Variants in PTAFR observed in about 807,000 individuals in gnomAD.
PTAFR encodes the protein platelet activating factor receptor.
In PTAFR, 8 loss-of-function variants were observed where a neutral mutation model predicts 14.7. The observed-to-expected ratio is 0.54, with a 90% CI of 0.32 to 0.98. The LOEUF is 0.98. Ranked by LOEUF, PTAFR falls within the 50% of genes least tolerant of loss-of-function variation. PTAFR has a pLI of 0.04. For synonymous variants in PTAFR, 156 were observed against 176.5 expected (o/e 0.88, Z 0.92); for missense variants, 337 against 451.2 (o/e 0.75, Z 2.29).
intron 1 of PTAFR, among the ~76,000 whole-genome samples, chr1:28,163,703 C>T (rs912101929): frequency 1.3e-5 from 2 of 152,218 alleles, no homozygotes; most frequent in Admixed American, 6.5e-5. Context: ...AATGACCAAG[C>T]CTCCCTCTCC....
chr1:28,170,446 A>G (rs1212235965), intron 1 of PTAFR, among the ~76,000 whole-genome samples: 1 of 152,106 alleles, frequency 6.6e-6, no homozygotes, highest in East Asian at 1.9e-4. Flanking sequence ...GCCCACATCT[A>G]TAATGCCAGC....
intron 1 of PTAFR, among the ~76,000 whole-genome samples, chr1:28,154,831 A>AAGAG (rs1553164371): frequency 2.4e-4 from 13 of 53,554 alleles, no homozygotes; most frequent in African/African-American, 5.3e-4. Flanking sequence ...AAAAAAAAAA[A>AAGAG]GTGGGGGGGG....
intron 1 of PTAFR, among the ~76,000 whole-genome samples, chr1:28,175,033 TCTC>T (rs1646497665): frequency 6.6e-6 from 1 of 152,100 alleles, no homozygotes; most frequent in Non-Finnish European, 1.5e-5. Context: ...TTCAAGCAAT[TCTC>T]CTGCCTCAGC....
intron 1 of PTAFR, among the ~76,000 whole-genome samples, chr1:28,164,235 C>A (rs1186956114): frequency 6.6e-6 from 1 of 152,202 alleles, no homozygotes; most frequent in Non-Finnish European, 1.5e-5. Context: ...GTCCTGCTAG[C>A]TCTTAACATT....
intron 1 of PTAFR, among the ~76,000 whole-genome samples, chr1:28,193,317 T>C (rs1646671371): frequency 1.3e-5 from 2 of 152,182 alleles, no homozygotes; most frequent in South Asian, 4.2e-4. Flanking sequence ...AAGGATGTTT[T>C]CCCTTGGGTT....
intron 1 of PTAFR, among the ~76,000 whole-genome samples, chr1:28,167,355 G>A (rs908902449): frequency 6.6e-6 from 1 of 152,122 alleles, no homozygotes; most frequent in African/African-American, 2.4e-5. Flanking sequence ...CATGTGAAAA[G>A]ATGGCTCAAT....
At chr1:28,179,354 G>A (rs1030313664), upstream of PTAFR, among the ~76,000 whole-genome samples, 5 of 152,160 alleles carry the variant, frequency 3.3e-5, no homozygotes, top group South Asian at 2.1e-4. Flanking sequence ...CCTTCCATGC[G>A]CGCATGTGGC....
chr1:28,160,545 C>A, intron 1 of PTAFR, among the ~76,000 whole-genome samples: 1 of 150,058 alleles, frequency 6.7e-6, no homozygotes, highest in Admixed American at 6.7e-5. Context: ...CCCATCCCCA[C>A]CTTGCCTCCC....
At chr1:28,191,798 C>T (rs1038110156) in intron 1 of PTAFR, among the ~76,000 whole-genome samples, 22 of 151,150 alleles carry the variant, frequency 1.5e-4, no homozygotes, top group Non-Finnish European at 7.4e-5. Context: ...TGTGGTAGCT[C>T]ATGCCTGCTG....
Position 28,150,914 on chromosome 1 carries a change from C to T in PTAFR, c.108G>A (p.Val36=). ...GGTACAGGCGGGCAAAGACCCACAG[C>T]ACGTAGCCATTAGCAATGACCCCGA... ...FVLGVIANGY[V]LWVFARLYPC... The change falls in exon 2 of 2, where the codon GTG becomes GTA. Residue 36 remains valine (V), a synonymous_variant. Coordinates refer to ENST00000373857, the MANE Select transcript of PTAFR (RefSeq NM_000952.5). This position sits in a 1 kb window ranked among gnomAD's most constrained non-coding sequence, Gnocchi z 6.3. 1 of 1,614,026 alleles carries T rather than the reference C, an allele frequency of 6.2e-7. No individual in the cohort carries two copies. Among genetic ancestry groups the T allele is most frequent in the South Asian group, 1.1e-5 (1 of 91,068 alleles).
Position 28,150,516 on chromosome 1 carries a change from T to G in PTAFR, c.506A>C (p.Asn169Thr). ...NTVPDSAGSGNVTRCFEHYEK... is the reference protein window; with the variant it reads ...NTVPDSAGSGTVTRCFEHYEK... ...GTAATGCTCAAAGCAGCGAGTGACG[T>G]TGCCTGAGCCAGCACTGTCGGGCAC... Residue 169 changes from asparagine (N) to threonine (T), a missense_variant, in exon 2 of 2, where the codon AAC (asparagine) becomes ACC (threonine). Transcript: ENST00000373857. The surrounding 1 kb of genome is among the most constrained non-coding windows in gnomAD (Gnocchi z 6.3). 1 of 1,614,188 alleles carries G rather than the reference T, an allele frequency of 6.2e-7. No homozygotes were observed. The highest frequency in any genetic ancestry group is 8.5e-7 in the Non-Finnish European group (1 of 1,180,012).
At chr1:28,171,620 C>A (rs1176308658) in intron 1 of PTAFR, among the ~76,000 whole-genome samples, 1 of 152,116 alleles carries the variant, frequency 6.6e-6, no homozygotes, top group African/African-American at 2.4e-5. Flanking sequence ...CAATTCCCAG[C>A]GCAAGGGACC....
intron 1 of PTAFR, among the ~76,000 whole-genome samples, chr1:28,158,933 A>G (rs1045114967): frequency 6.6e-6 from 1 of 152,208 alleles, no homozygotes; most frequent in Non-Finnish European, 1.5e-5. Context: ...GGAGGGCCTC[A>G]AGAGGACTGC....
chr1:28,158,409 A>G (rs1199305090), intron 1 of PTAFR, among the ~76,000 whole-genome samples: 1 of 152,172 alleles, frequency 6.6e-6, no homozygotes, highest in Non-Finnish European at 1.5e-5. Context: ...CTTTAAAAAT[A>G]AGCAACAGGG....
intron 1 of PTAFR, among the ~76,000 whole-genome samples, chr1:28,155,646 C>A (rs903298552): frequency 3.3e-5 from 5 of 152,266 alleles, no homozygotes; most frequent in Non-Finnish European, 5.9e-5. Context: ...AGGCAGATTG[C>A]TGGAGCCCAG....
intron 1 of PTAFR, among the ~76,000 whole-genome samples, chr1:28,151,607 C>T (rs562585751): frequency 1.3e-5 from 2 of 152,002 alleles, no homozygotes; most frequent in African/African-American, 4.8e-5. Context: ...CTGAAGTGAG[C>T]TGTGATTGTG....
intron 1 of PTAFR, among the ~76,000 whole-genome samples, chr1:28,183,586 C>A (rs577901540): frequency 6.6e-6 from 1 of 152,172 alleles, no homozygotes; most frequent in Non-Finnish European, 1.5e-5. Context: ...CGTGACTACA[C>A]CACTGCCACT....
intron 1 of PTAFR, among the ~76,000 whole-genome samples, chr1:28,191,598 G>C (rs1255358803): frequency 6.6e-6 from 1 of 151,938 alleles, no homozygotes; most frequent in Admixed American, 6.6e-5. Context: ...GAGAGAGAGA[G>C]AGAGAGAGAG....
chr1:28,158,848 C>T (rs1189838470), intron 1 of PTAFR, among the ~76,000 whole-genome samples: 1 of 152,114 alleles, frequency 6.6e-6, no homozygotes, highest in African/African-American at 2.4e-5. Flanking sequence ...ATGGCTTTGA[C>T]CACTGTGCAC....
Sources: allele counts gnomAD v4.1 joint callset (sites outside exome capture counted in the v4.1 genomes callset), GRCh38; gene constraint gnomAD v4.1.1; non-coding constraint Gnocchi (gnomAD v3.1); transcripts MANE v1.5; gene names NCBI Gene and HGNC (gene_info 2026-07-23, HGNC 2026-07-21).